ITPR2: variants seen among roughly 807,000 people sequenced by gnomAD.
The protein encoded by ITPR2 is inositol 1,4,5-trisphosphate-gated calcium channel ITPR2.
ITPR2 carries 207 observed loss-of-function variants against 317.1 expected under a neutral mutation model. The observed-to-expected ratio is 0.65, with a 90% CI of 0.58 to 0.73. The LOEUF is 0.73. Ranked by LOEUF, ITPR2 falls within the 30% of genes least tolerant of loss-of-function variation. The probability of loss-of-function intolerance (pLI) is 0.00; values close to 1 mark genes in which losing one functional copy is unlikely to be tolerated. For missense variants in ITPR2, 2,613 were observed against 3,284.0 expected (o/e 0.80, Z 4.99); for synonymous variants, 1,156 against 1,149.1 (o/e 1.01, Z -0.12).
intron 55 of ITPR2, among the ~76,000 whole-genome samples, chr12:26,384,705 C>CTTTG (rs1224691318): frequency 6.6e-6 from 1 of 152,196 alleles, no homozygotes; most frequent in Non-Finnish European, 1.5e-5. Flanking sequence ...AATCCAAAGG[C>CTTTG]TTTGACCTGT....
intron 37 of ITPR2, among the ~76,000 whole-genome samples, chr12:26,524,072 C>G (rs1943741538): frequency 6.6e-6 from 1 of 151,958 alleles, no homozygotes; most frequent in African/African-American, 2.4e-5. Context: ...TTCATTAAAA[C>G]CAGTCACACA....
chr12:26,565,527 T>TAGAC (rs35666334), intron 34 of ITPR2, among the ~76,000 whole-genome samples: 34,849 of 139,072 alleles, frequency 0.25, 4,447 homozygotes, highest in South Asian at 0.33. Flanking sequence ...GATAGATAGA[T>TAGAC]AGACAGACAG....
chr12:26,504,878 G>C (rs556827716), intron 37 of ITPR2, among the ~76,000 whole-genome samples: 2 of 152,242 alleles, frequency 1.3e-5, no homozygotes, highest in East Asian at 3.9e-4. Context: ...GAATATTATA[G>C]AGTAGTAAAC....
intron 10 of ITPR2, among the ~76,000 whole-genome samples, chr12:26,693,505 C>T (rs1170364235): frequency 1.3e-5 from 2 of 152,152 alleles, no homozygotes; most frequent in East Asian, 3.9e-4. Flanking sequence ...TATAAAATTG[C>T]ATAGTATTTG....
chr12:26,579,975 T>A (rs1278283670), intron 33 of ITPR2, 52 bp downstream of exon 33: 1 of 1,542,114 alleles, frequency 6.5e-7, no homozygotes, highest in African/African-American at 1.4e-5. Context: ...TTTCTCCTAC[T>A]CAAATAAGAG....
At chr12:26,493,394 T>C (rs1942855165) in intron 39 of ITPR2, among the ~76,000 whole-genome samples, 2 of 152,172 alleles carry the variant, frequency 1.3e-5, no homozygotes, top group Admixed American at 1.3e-4. Context: ...TACTTAGTAG[T>C]AAGTAGACAG....
chr12:26,516,270 A>AGGAAAGGAAAGGAAAGGAAAGGAAG lies in ITPR2; in HGVS notation c.5074-21011_5074-21010insCTTCCTTTCCTTTCCTTTCCTTTCC, dbSNP rs1943499154. 7.2e-4 allele frequency among the ~76,000 whole-genome samples: 28 copies of AGGAAAGGAAAGGAAAGGAAAGGAAG among 38,978 alleles called. 4 individuals are homozygous for AGGAAAGGAAAGGAAAGGAAAGGAAG. The highest frequency in any genetic ancestry group is 2.2e-3 in the African/African-American group (24 of 10,900). The allele number at this position is 38,978 out of a possible 152,430, so 25.6% of individuals were successfully genotyped here. A position where few individuals can be genotyped will look rare whatever the true frequency, so the allele number is the denominator to read the frequency against. On this transcript the variant is annotated intron_variant, in intron 37 of 56. Transcript: ENST00000381340. ...AGGAAAGGAAAGGAAAGGAAAGGAA[A>AGGAAAGGAAAGGAAAGGAAAGGAAG]GGAAGGGAAGGGAAGGGAAAGGAAA...
chr12:26,562,172 T>C (rs943126567), intron 34 of ITPR2, among the ~76,000 whole-genome samples: 1 of 152,212 alleles, frequency 6.6e-6, no homozygotes, highest in Non-Finnish European at 1.5e-5. Flanking sequence ...ACTTATTTGA[T>C]TTCTTAATGA....
intron 26 of ITPR2, among the ~76,000 whole-genome samples, chr12:26,603,504 T>C (rs1004609670): frequency 2.6e-5 from 4 of 152,186 alleles, no homozygotes; most frequent in African/African-American, 9.7e-5. Context: ...CACTAGACTA[T>C]GGTGAATGGA....
Position 26,631,983 on chromosome 12 carries a change from G to A in ITPR2, c.2817C>T (p.Phe939=). 1 of 1,613,488 alleles carries A rather than the reference G, an allele frequency of 6.2e-7. No individual in the cohort carries two copies. The highest frequency in any genetic ancestry group is 1.1e-5 in the South Asian group (1 of 90,978). ...TQMVLSRGSI[F]PMSVPDVPPS... is the part of the protein sequence containing the mutation. ...GTGGCACATCCGGCACGCTCATGGG[G>A]AAGATGGAGCCTCTACTGAGTACCA... The change falls in exon 22 of 57, where the codon TTC becomes TTT. Residue 939 remains phenylalanine (F), a synonymous_variant. Transcript: ENST00000381340.
At chr12:26,747,539 G>A (rs1949345516) in intron 2 of ITPR2, among the ~76,000 whole-genome samples, 1 of 152,194 alleles carries the variant, frequency 6.6e-6, no homozygotes, top group Admixed American at 6.5e-5. Context: ...TCATGCAAAT[G>A]TTATAAAACT....
At chr12:26,361,084 G>T (rs376654353) in intron 55 of ITPR2, among the ~76,000 whole-genome samples, 27 of 151,830 alleles carry the variant, frequency 1.8e-4, no homozygotes, top group African/African-American at 6.1e-4. Flanking sequence ...GCATGGTAGC[G>T]AGCGCCTGTA....
chr12:26,737,026 G>A lies in ITPR2; in HGVS notation c.164-11261C>T, dbSNP rs1949132287. Among the ~76,000 whole-genome samples, 4 of 152,122 alleles carry A rather than the reference G, an allele frequency of 2.6e-5. No homozygotes were observed. The South Asian group carries it at 8.3e-4, about 32-fold the overall frequency. On this transcript the variant is annotated intron_variant, in intron 2 of 56. Transcript: ENST00000381340. ...TAAACTTCTACATGTAAACGAGGGAGGAAAGTTTTTCCCTATATTGATCCA... is the reference window on the plus strand; with the variant it reads ...TAAACTTCTACATGTAAACGAGGGAAGAAAGTTTTTCCCTATATTGATCCA...
intron 21 of ITPR2, among the ~76,000 whole-genome samples, chr12:26,635,131 A>G (rs955031821): frequency 6.6e-6 from 1 of 152,182 alleles, no homozygotes; most frequent in African/African-American, 2.4e-5. Flanking sequence ...CATTTCAGGA[A>G]AGTGAAAAGC....
intron 1 of ITPR2, among the ~76,000 whole-genome samples, chr12:26,816,621 T>A (rs1273810387): frequency 2.0e-5 from 3 of 152,186 alleles, no homozygotes; most frequent in Non-Finnish European, 2.9e-5. Flanking sequence ...GTTTAAAGTA[T>A]AGTGGGTGAA....
chr12:26,411,489 T>C, intron 51 of ITPR2, 77 bp from the exon 52 acceptor site: 2 of 983,798 alleles, frequency 2.0e-6, no homozygotes, highest in South Asian at 1.5e-5. Flanking sequence ...GTTCTAAAGA[T>C]ATGTAAATTA....
At chr12:26,605,095 A>AAAAT (rs1555165347) in intron 26 of ITPR2, among the ~76,000 whole-genome samples, 1 of 111,352 alleles carries the variant, frequency 9.0e-6, no homozygotes, top group African/African-American at 3.4e-5. Context: ...CTCAAAAAAA[A>AAAAT]AAAAAATAAA....
chr12:26,433,896 A>G (rs61914392), intron 48 of ITPR2, among the ~76,000 whole-genome samples: 9,359 of 152,284 alleles, frequency 0.061, 319 homozygotes, highest in South Asian at 0.097. Context: ...GCAGAGCTTC[A>G]TTATGTGAAC....
intron 34 of ITPR2, among the ~76,000 whole-genome samples, chr12:26,574,688 G>A (rs1945235052): frequency 6.6e-6 from 1 of 152,118 alleles, no homozygotes; most frequent in African/African-American, 2.4e-5. Flanking sequence ...TCGTTCTGCG[G>A]GCCATACAAG....
Sources: gnomAD v4.1 joint callset for allele counts (sites outside exome capture counted in the v4.1 genomes callset) on GRCh38, gnomAD v4.1.1 for gene constraint, MANE v1.5 for transcripts, NCBI Gene and HGNC (gene_info 2026-07-23, HGNC 2026-07-21) for gene names.